GRIN2A: variants seen among roughly 807,000 people sequenced by gnomAD.
GRIN2A encodes glutamate ionotropic receptor NMDA type subunit 2A.
Under a neutral mutation model 113.4 loss-of-function variants are expected in GRIN2A, and 22 were observed. That is an observed-to-expected ratio of 0.19 (90% CI 0.14 to 0.28). The LOEUF (loss-of-function observed/expected upper bound fraction) is 0.28. GRIN2A is among the 10% of genes least tolerant of loss of function. GRIN2A has a pLI of 1.00. For missense variants in GRIN2A, 1,502 were observed against 1,887.0 expected (o/e 0.80, Z 3.78); for synonymous variants, 827 against 738.4 (o/e 1.12, Z -1.94).
intron 2 of GRIN2A, among the ~76,000 whole-genome samples, chr16:9,993,226 C>G (rs2046158141): frequency 1.3e-5 from 2 of 151,594 alleles, no homozygotes; most frequent in Non-Finnish European, 2.9e-5. Flanking sequence ...CAGCAAGACT[C>G]TGTCTCAAAA....
chr16:9,778,534 G>C (rs1222907454), intron 11 of GRIN2A, among the ~76,000 whole-genome samples: 1 of 151,774 alleles, frequency 6.6e-6, no homozygotes, highest in Non-Finnish European at 1.5e-5. Context: ...ACAGATTTAA[G>C]AAAAAAAAGG....
intron 11 of GRIN2A, among the ~76,000 whole-genome samples, chr16:9,781,045 C>T (rs1045055859): frequency 1.3e-5 from 2 of 149,244 alleles, no homozygotes; most frequent in Non-Finnish European, 3.0e-5. Context: ...TTCAGCACTA[C>T]AGGCCATACG....
intron 2 of GRIN2A, among the ~76,000 whole-genome samples, chr16:9,994,089 A>G (rs1189962087): frequency 6.6e-6 from 1 of 152,224 alleles, no homozygotes; most frequent in African/African-American, 2.4e-5. Context: ...ATCATCTTAC[A>G]TCTTTGGCAC....
chr16:9,990,128 A>G (rs2046072269), intron 2 of GRIN2A, among the ~76,000 whole-genome samples: 1 of 152,206 alleles, frequency 6.6e-6, no homozygotes, highest in Non-Finnish European at 1.5e-5. Flanking sequence ...CATAGCATCA[A>G]CCCACATGCC....
chr16:10,015,753 G>A (rs2046597682), intron 2 of GRIN2A, among the ~76,000 whole-genome samples: 1 of 152,178 alleles, frequency 6.6e-6, no homozygotes, highest in East Asian at 1.9e-4. Context: ...CAGGGGACAG[G>A]GAGGTGCAAC....
intron 4 of GRIN2A, among the ~76,000 whole-genome samples, chr16:9,873,994 A>C (rs1028494541): frequency 1.3e-5 from 2 of 152,234 alleles, no homozygotes; most frequent in Non-Finnish European, 2.9e-5. Context: ...ATTGGTTTCT[A>C]TGAGTCATTC....
At chr16:10,113,732 A>G (rs1567308418) in intron 2 of GRIN2A, among the ~76,000 whole-genome samples, 1 of 152,382 alleles carries the variant, frequency 6.6e-6, no homozygotes, top group Middle Eastern at 3.4e-3. Context: ...ATACATACAC[A>G]TGCACATCAA....
intron 3 of GRIN2A, among the ~76,000 whole-genome samples, chr16:9,924,893 C>G (rs892155022): frequency 1.3e-5 from 2 of 152,026 alleles, no homozygotes; most frequent in African/African-American, 4.8e-5. Flanking sequence ...TCTATGTCTC[C>G]ACTTGAATTT....
intron 2 of GRIN2A, among the ~76,000 whole-genome samples, chr16:10,144,111 T>C (rs1468126360): frequency 6.6e-6 from 1 of 152,198 alleles, no homozygotes; most frequent in African/African-American, 2.4e-5. Context: ...AGAAGTGGGA[T>C]TGCTGGATCA....
At chr16:10,151,195 T>A (rs898401944) in intron 2 of GRIN2A, among the ~76,000 whole-genome samples, 1 of 152,230 alleles carries the variant, frequency 6.6e-6, no homozygotes, top group Non-Finnish European at 1.5e-5. Flanking sequence ...AGATGCAACA[T>A]GCAAGCTGTG....
chr16:10,099,953 G>C (rs975277964), intron 2 of GRIN2A, among the ~76,000 whole-genome samples: 4 of 125,708 alleles, frequency 3.2e-5, no homozygotes, highest in East Asian at 2.5e-4. Flanking sequence ...GCAGGAGTTA[G>C]TCAATAATCA....
chr16:10,022,575 A>G lies in GRIN2A; in HGVS notation c.415-84024T>C, dbSNP rs2046746536. Among the ~76,000 whole-genome samples, 11 of 152,056 alleles carry G rather than the reference A, an allele frequency of 7.2e-5. No homozygotes were observed. The South Asian group carries it at 2.3e-3, about 32-fold the overall frequency. ...ATACATCAGTGCTGCACCATAGTCT[A>G]TTTCCCACCCTCTCTTCCCTCACCT... On this transcript the variant is annotated intron_variant, in intron 2 of 12. Coordinates refer to ENST00000330684, the MANE Select transcript of GRIN2A (RefSeq NM_001134407.3).
chr16:10,013,706 G>A lies in GRIN2A; in HGVS notation c.415-75155C>T, dbSNP rs1484416662. On this transcript the variant is annotated intron_variant, in intron 2 of 12. Coordinates refer to ENST00000330684, the MANE Select transcript of GRIN2A (RefSeq NM_001134407.3). ...TCAGGAGCAAGGACAGCGAAACCAT[G>A]ACCACTGAAGTGTTTCTTTTTAACT... Among the ~76,000 whole-genome samples, 5 of 152,196 alleles carry A rather than the reference G, an allele frequency of 3.3e-5. No individual in the cohort carries two copies. In the East Asian group the frequency reaches 9.6e-4, roughly 29 times the overall value.
intron 2 of GRIN2A, among the ~76,000 whole-genome samples, chr16:10,156,033 G>C (rs1596560985): frequency 6.6e-6 from 1 of 152,206 alleles, no homozygotes; most frequent in African/African-American, 2.4e-5. Context: ...CACTTTAAGT[G>C]GTAGGAGGGA....
At chr16:10,095,870 CA>C (rs969540746) in intron 2 of GRIN2A, among the ~76,000 whole-genome samples, 12 of 150,114 alleles carry the variant, frequency 8.0e-5, no homozygotes, top group African/African-American at 9.8e-5. Context: ...GATATTCCTA[CA>C]AAAAAAAAGT....
intron 3 of GRIN2A, among the ~76,000 whole-genome samples, chr16:9,895,765 G>A (rs2141496882): frequency 6.6e-6 from 1 of 152,280 alleles, no homozygotes. Flanking sequence ...GATAATTAGG[G>A]TGGCCAACTC....
chr16:10,180,497 T>C lies in GRIN2A; in HGVS notation c.-18-68A>G. The C allele has an allele frequency of 2.6e-6, 4 of 1,540,860 alleles. No homozygotes were observed. The highest frequency in any genetic ancestry group is 3.5e-6 in the Non-Finnish European group (4 of 1,149,544). ...CGACCAGAAGAAAGGGATTACCAAC[T>C]TGGCTTCCTGCTCTAGGAGCCAGGC... On this transcript the variant is annotated intron_variant, in intron 1 of 12. Coordinates refer to ENST00000330684, the MANE Select transcript of GRIN2A (RefSeq NM_001134407.3). This position sits in a 1 kb window ranked among gnomAD's most constrained non-coding sequence, Gnocchi z 7.0.
chr16:9,860,332 C>A (rs1324628411), intron 4 of GRIN2A, among the ~76,000 whole-genome samples: 1 of 150,762 alleles, frequency 6.6e-6, no homozygotes, highest in East Asian at 2.0e-4. Flanking sequence ...TCTGTAATCC[C>A]AGCTACTCGG....
At chr16:9,958,244 C>A (rs529507723) in intron 2 of GRIN2A, among the ~76,000 whole-genome samples, 1 of 152,194 alleles carries the variant, frequency 6.6e-6, no homozygotes, top group Non-Finnish European at 1.5e-5. Flanking sequence ...CCATTAATAA[C>A]ATCCAGCCTG....
Sources: allele counts gnomAD v4.1 joint callset (sites outside exome capture counted in the v4.1 genomes callset), GRCh38; gene constraint gnomAD v4.1.1; non-coding constraint Gnocchi (gnomAD v3.1); transcripts MANE v1.5; gene names NCBI Gene and HGNC (gene_info 2026-07-23, HGNC 2026-07-21).